Variants in CCL28 observed in about 807,000 individuals in gnomAD.
CCL28 encodes the protein C-C motif chemokine ligand 28, also known as C-C motif chemokine 28.
Under a neutral mutation model 7.1 loss-of-function variants are expected in CCL28, and 4 were observed. The observed-to-expected ratio is 0.56, with a 90% CI of 0.28 to 1.29. CCL28 has a LOEUF of 1.29. Ranked by LOEUF, CCL28 falls within the 50% of genes most tolerant of loss-of-function variation. CCL28 has a pLI of 0.11. For missense variants in CCL28, 151 were observed against 163.4 expected, an observed-to-expected ratio of 0.92 and a Z score of 0.41; for synonymous variants, 55 against 57.8, an observed-to-expected ratio of 0.95 and a Z score of 0.22.
rs570678979 is a variant in CCL28 at position 43,400,316 on chromosome 5, C to T, written c.65-11840G>A. ...TCTTAGTGCTCAAGAACTGTTGGCA[C>T]TACACATCAAATTTGTGATACAAAA... On this transcript the variant is annotated intron_variant, in intron 1 of 2. Coordinates refer to ENST00000361115, the MANE Select transcript of CCL28 (RefSeq NM_148672.3). Among the ~76,000 whole-genome samples, 7 of 152,250 alleles carry T rather than the reference C, an allele frequency of 4.6e-5. No homozygotes were observed. The East Asian group carries it at 1.4e-3, about 29-fold the overall frequency.
intron 1 of CCL28, among the ~76,000 whole-genome samples, chr5:43,393,682 T>G (rs1375352176): frequency 6.7e-6 from 1 of 150,272 alleles, no homozygotes; most frequent in Non-Finnish European, 1.5e-5. Context: ...AAGATGAGGT[T>G]CTTTAAAGAC....
chr5:43,393,985 A>G (rs576876883), intron 1 of CCL28, among the ~76,000 whole-genome samples: 1 of 152,204 alleles, frequency 6.6e-6, no homozygotes, highest in African/African-American at 2.4e-5. Context: ...GCTGCCGTAC[A>G]TGCTTGTAAA....
chr5:43,359,937 A>G, the CCL28 span, among the ~76,000 whole-genome samples: 1 of 151,944 alleles, frequency 6.6e-6, no homozygotes, highest in Non-Finnish European at 1.5e-5. Context: ...TCCCCAACTA[A>G]TCAGCAGCAC....
downstream of CCL28, among the ~76,000 whole-genome samples, chr5:43,374,009 T>C (rs544242125): frequency 3.9e-5 from 6 of 152,354 alleles, no homozygotes; most frequent in African/African-American, 1.4e-4. Flanking sequence ...TAATTTAACA[T>C]AGTTTCCTAG....
At chr5:43,388,080 G>A (rs970019683) in intron 2 of CCL28, 2 of 317,502 alleles carry the variant, frequency 6.3e-6, no homozygotes, top group Admixed American at 9.5e-5. Flanking sequence ...AACACTTTTT[G>A]GTGACTGGGG....
Position 43,381,835 on chromosome 5 carries a change from C to G in CCL28, c.*25G>C. ...TGGCCAAGTCCACTTGAGGAATTGT[C>G]TCTGTAGATTTATCTGTAGACTCTC... On this transcript the variant is annotated 3_prime_UTR_variant, in exon 3 of 3. Coordinates refer to ENST00000361115, the MANE Select transcript of CCL28 (RefSeq NM_148672.3). 2 of 1,570,478 alleles carry G rather than the reference C, an allele frequency of 1.3e-6. No individual in the cohort carries two copies. The highest frequency in any genetic ancestry group is 1.7e-4 in the Middle Eastern group (1 of 5,892).
At chr5:43,412,102 C>T in intron 1 of CCL28, 151 bp downstream of exon 1, 1 of 520,348 alleles carries the variant, frequency 1.9e-6, no homozygotes, top group Non-Finnish European at 3.2e-6. Flanking sequence ...GAATTTAAAG[C>T]TATGTCATTC....
the CCL28 span, among the ~76,000 whole-genome samples, chr5:43,363,955 A>C: frequency 6.6e-6 from 1 of 152,200 alleles, no homozygotes; most frequent in African/African-American, 2.4e-5. Context: ...ATCATCCCCA[A>C]TTGACTCCCT....
the CCL28 span, among the ~76,000 whole-genome samples, chr5:43,368,653 A>T: frequency 2.0e-5 from 3 of 152,198 alleles, no homozygotes; most frequent in African/African-American, 7.2e-5. Context: ...CTATGCTAAA[A>T]TAAGGTCATT....
rs1007879108 is a variant in CCL28, at chr5:43,381,266, C to G, written c.*594G>C. ...TTGTGGTGAAAGATATATAGATGTTCATTGTACCATTCTTTTAACTTCTCT... is the reference window on the plus strand; with the variant it reads ...TTGTGGTGAAAGATATATAGATGTTGATTGTACCATTCTTTTAACTTCTCT... On this transcript the variant is annotated 3_prime_UTR_variant, in exon 3 of 3. Coordinates refer to ENST00000361115, the MANE Select transcript of CCL28 (RefSeq NM_148672.3). 6.6e-6 allele frequency: 1 copy of G among 152,098 alleles called. No individual in the cohort carries two copies. Among genetic ancestry groups the G allele is most frequent in the African/African-American group, 2.4e-5 (1 of 41,414 alleles). The allele number at this position is 152,098 out of a possible 1,614,324, so 9.4% of individuals were successfully genotyped here.
chr5:43,373,135 T>C (rs1447470366), downstream of CCL28, among the ~76,000 whole-genome samples: 1 of 152,024 alleles, frequency 6.6e-6, no homozygotes, highest in East Asian at 1.9e-4. Context: ...GGCGAACATA[T>C]TCACTTAACT....
chr5:43,405,790 C>T (rs552588086), intron 1 of CCL28, among the ~76,000 whole-genome samples: 15 of 152,052 alleles, frequency 9.9e-5, no homozygotes, highest in South Asian at 4.1e-4. Context: ...ATCAAATAGA[C>T]GCAATAAAAA....
chr5:43,367,000 TGTGTTTGTGTTTACACC>T, the CCL28 span, among the ~76,000 whole-genome samples: 5 of 152,264 alleles, frequency 3.3e-5, no homozygotes, highest in Non-Finnish European at 5.9e-5. Context: ...TTGTTTACAC[TGTGTTTGTGTTTACACC>T]GTGTTTGTGT....
At chr5:43,370,786 T>C in the CCL28 span, among the ~76,000 whole-genome samples, 2 of 150,764 alleles carry the variant, frequency 1.3e-5, no homozygotes, top group Non-Finnish European at 3.0e-5. Context: ...TTGTTGTGCA[T>C]GGTGGAGTGC....
the CCL28 span, among the ~76,000 whole-genome samples, chr5:43,363,155 C>G: frequency 9.6e-3 from 1,463 of 152,246 alleles, 14 homozygotes; most frequent in Non-Finnish European, 0.016. Flanking sequence ...CTTTTGTTTT[C>G]CAGATATGAG....
At chr5:43,412,208 C>A (rs773576915) in intron 1 of CCL28, 45 bp downstream of exon 1, 4 of 1,515,034 alleles carry the variant, frequency 2.6e-6, no homozygotes, top group East Asian at 2.3e-5. Context: ...TTGGGAGATA[C>A]CCCCCTTTCC....
chr5:43,401,812 A>G (rs1425868811), intron 1 of CCL28, among the ~76,000 whole-genome samples: 1 of 152,116 alleles, frequency 6.6e-6, no homozygotes, highest in Non-Finnish European at 1.5e-5. Context: ...TTCCTGTTCT[A>G]TGAAATTGAG....
At chr5:43,358,703 A>G in the CCL28 span, among the ~76,000 whole-genome samples, 2 of 152,238 alleles carry the variant, frequency 1.3e-5, no homozygotes, top group African/African-American at 4.8e-5. Flanking sequence ...ACTGTGCTTT[A>G]TATTAAATCC....
chr5:43,411,848 T>C (rs1047925894), intron 1 of CCL28, among the ~76,000 whole-genome samples: 1 of 152,240 alleles, frequency 6.6e-6, no homozygotes, highest in African/African-American at 2.4e-5. Flanking sequence ...AAGTCTGTAT[T>C]TCCCTCCAGG....
Sources: allele counts gnomAD v4.1 joint callset (sites outside exome capture counted in the v4.1 genomes callset), GRCh38; gene constraint gnomAD v4.1.1; transcripts MANE v1.5; gene names NCBI Gene and HGNC (gene_info 2026-07-23, HGNC 2026-07-21).